ZNF33B: variants seen among roughly 807,000 people sequenced by gnomAD.
ZNF33B encodes the protein zinc finger protein 33B, also known as zinc finger protein 11b (KOX 2).
ZNF33B carries 29 observed loss-of-function variants against 45.8 expected under a neutral mutation model. The ratio of observed to expected loss-of-function variants is 0.63; its 90% CI spans 0.47 to 0.86. The LOEUF is 0.86. ZNF33B is among the 40% of genes least tolerant of loss of function. The pLI is 0.00. For synonymous variants in ZNF33B, 305 were observed against 307.8 expected (o/e 0.99, Z 0.10); for missense variants, 831 against 909.9 (o/e 0.91, Z 1.12).
At chr10:42,637,258 T>C (rs1263164611) in intron 1 of ZNF33B, among the ~76,000 whole-genome samples, 1 of 152,202 alleles carries the variant, frequency 6.6e-6, no homozygotes, top group East Asian at 1.9e-4. Context: ...ACAAAAAATG[T>C]ATAATGACAA....
At chr10:42,583,998 T>C (rs1004133199) in intron 1 of ZNF33B, among the ~76,000 whole-genome samples, 7 of 152,150 alleles carry the variant, frequency 4.6e-5, no homozygotes, top group African/African-American at 1.7e-4. Context: ...AACCTGTGCA[T>C]TGCGCAAGCA....
intron 4 of ZNF33B, among the ~76,000 whole-genome samples, chr10:42,621,827 A>G (rs1838603789): frequency 6.6e-6 from 1 of 152,210 alleles, no homozygotes; most frequent in Non-Finnish European, 1.5e-5. Context: ...GTGCTATTTA[A>G]CACTGCAGTA....
chr10:42,610,227 C>T (rs1838043634), intron 4 of ZNF33B, among the ~76,000 whole-genome samples: 1 of 152,106 alleles, frequency 6.6e-6, no homozygotes, highest in Admixed American at 6.6e-5. Context: ...ACAAACAAAT[C>T]ATAAATGAAA....
chr10:42,599,989 T>C (rs1837552865), intron 4 of ZNF33B, among the ~76,000 whole-genome samples: 1 of 152,124 alleles, frequency 6.6e-6, no homozygotes, highest in African/African-American at 2.4e-5. Context: ...AGGGATTTAA[T>C]AGATACTTCT....
chr10:42,600,619 G>T (rs1837578577), intron 4 of ZNF33B, among the ~76,000 whole-genome samples: 1 of 151,988 alleles, frequency 6.6e-6, no homozygotes, highest in Non-Finnish European at 1.5e-5. Flanking sequence ...ATCTTATCCA[G>T]AAATCTCTGC....
rs1839108090 is a variant in ZNF33B at position 42,632,509 on chromosome 10, C to A, written c.10-70G>T. 1.9e-6 allele frequency: 3 copies of A among 1,546,878 alleles called. No homozygotes were observed. The African/African-American group carries it at 4.2e-5, about 22-fold the overall frequency. On this transcript the variant is annotated intron_variant, in intron 2 of 4. Coordinates refer to ENST00000359467, the MANE Select transcript of ZNF33B (RefSeq NM_006955.3). ...TAATCCTTACCATGATTATTATTCA[C>A]AGAATATTTGTTTTGCTTTATACTT...
At position 42,614,024 on chromosome 10, in the gene ZNF33B, G is replaced by A. The variant is rs890411895; in HGVS notation, c.250+17905C>T. The stretch of plus-strand genomic sequence containing the variant: ...TCTCCACTTCTTACGTGTGAGTTGT[G>A]CAGAGTAACATTGTTCCGATGTGTA... On this transcript the variant is annotated intron_variant, in intron 4 of 4. Transcript: ENST00000359467. Among the ~76,000 whole-genome samples, 25 of 152,322 alleles carry A rather than the reference G, an allele frequency of 1.6e-4. 1 individual carries two copies. Among genetic ancestry groups the A allele is most frequent in the South Asian group, 1.2e-3 (6 of 4,824 alleles).
At chr10:42,626,685 CTAAATAAATAAATAAATAAATAAA>C (rs34210822) in intron 4 of ZNF33B, among the ~76,000 whole-genome samples, 1 of 142,388 alleles carries the variant, frequency 7.0e-6, no homozygotes, top group Admixed American at 7.2e-5. Context: ...AAGACTCCAT[CTAAATAAATAAATAAATAAATAAA>C]TAAATAAATA....
At chr10:42,624,709 ATTACTAAGT>A (rs57393123) in intron 4 of ZNF33B, among the ~76,000 whole-genome samples, 17,083 of 152,166 alleles carry the variant, frequency 0.11, 1,153 homozygotes, top group African/African-American at 0.18. Flanking sequence ...AATCAAGACA[ATTACTAAGT>A]AATTAACTCA....
chr10:42,618,770 T>G (rs1038483796), intron 4 of ZNF33B, among the ~76,000 whole-genome samples: 10 of 152,190 alleles, frequency 6.6e-5, no homozygotes, highest in African/African-American at 2.4e-4. Flanking sequence ...TTCAAAAAAT[T>G]TTTCTTTCCC....
At chr10:42,634,136 G>C (rs1415093492) in intron 2 of ZNF33B, among the ~76,000 whole-genome samples, 3 of 152,178 alleles carry the variant, frequency 2.0e-5, no homozygotes, top group African/African-American at 7.2e-5. Flanking sequence ...TAAGCACAGT[G>C]GCTCACATCT....
rs2132164894 is a variant in ZNF33B at position 42,632,366 on chromosome 10, T to A, written c.83A>T (p.His28Leu). 1 of 1,613,832 alleles carries A rather than the reference T, an allele frequency of 6.2e-7. No homozygotes were observed. The change falls in exon 3 of 5, where the codon CAC becomes CTC. Residue 28 changes from histidine (H) to leucine (L), a missense_variant. Coordinates refer to ENST00000359467, the MANE Select transcript of ZNF33B (RefSeq NM_006955.3). ...TVGFTQEEWQ[H>L]LDPSQRALYR... ...CAGAGCCCTCTGACTAGGGTCCAGG[T>A]GCTGCCACTCCTCCTGGGTGAAGCC... is the stretch of plus-strand genomic sequence containing the variant.
At chr10:42,575,460 T>G (rs1305856868) in intron 1 of ZNF33B, among the ~76,000 whole-genome samples, 1 of 152,058 alleles carries the variant, frequency 6.6e-6, no homozygotes, top group Admixed American at 6.5e-5. Context: ...AACTGAGACA[T>G]TTCTGTTTTT....
chr10:42,633,924 G>A (rs368177278), intron 2 of ZNF33B, among the ~76,000 whole-genome samples: 2 of 151,236 alleles, frequency 1.3e-5, no homozygotes, highest in African/African-American at 2.4e-5. Flanking sequence ...AGCCGAGGTC[G>A]GCACCACTGC....
At chr10:42,588,058 T>C (rs1836972811), downstream of ZNF33B, among the ~76,000 whole-genome samples, 1 of 150,446 alleles carries the variant, frequency 6.6e-6, no homozygotes, top group South Asian at 2.1e-4. Context: ...CAAACAATAG[T>C]CTATAGGGAT....
chr10:42,604,724 A>AC (rs1837766484), intron 4 of ZNF33B, among the ~76,000 whole-genome samples: 1 of 151,742 alleles, frequency 6.6e-6, no homozygotes. Flanking sequence ...GACCAGCCTG[A>AC]CCAACATGGT....
chr10:42,634,673 A>G (rs550740850), intron 2 of ZNF33B, among the ~76,000 whole-genome samples: 2 of 152,300 alleles, frequency 1.3e-5, no homozygotes, highest in Non-Finnish European at 2.9e-5. Context: ...AAATATCACA[A>G]TGTAAAACTG....
Position 42,632,294 on chromosome 10 carries a change from C to G in ZNF33B, c.154+1G>C, listed in dbSNP as rs762885118. 6.3e-7 allele frequency: 1 copy of G among 1,599,668 alleles called. No individual in the cohort carries two copies. The highest frequency in any genetic ancestry group is 8.5e-7 in the Non-Finnish European group (1 of 1,175,058). ...AGAATGATACAGTGAACAGACCTTA[C>G]CCACTGAGACAAGGTTGCTGTAGTT... On this transcript the variant is annotated splice_donor_variant, in intron 3 of 4. Coordinates refer to ENST00000359467, the MANE Select transcript of ZNF33B (RefSeq NM_006955.3). LOFTEE classifies it high-confidence loss of function.
intron 4 of ZNF33B, among the ~76,000 whole-genome samples, chr10:42,597,846 A>G (rs1208188270): frequency 2.6e-5 from 4 of 152,202 alleles, no homozygotes; most frequent in Admixed American, 6.5e-5. Flanking sequence ...AATTTTACAT[A>G]TAAATTTATA....
Sources: gnomAD v4.1 joint callset for allele counts (sites outside exome capture counted in the v4.1 genomes callset) on GRCh38, gnomAD v4.1.1 for gene constraint, MANE v1.5 for transcripts, NCBI Gene and HGNC (gene_info 2026-07-23, HGNC 2026-07-21) for gene names.